Variants in PPP1R12A observed in about 807,000 individuals in gnomAD.
PPP1R12A encodes the protein myosin binding subunit.
PPP1R12A carries 19 observed loss-of-function variants against 139.6 expected under a neutral mutation model. The observed-to-expected ratio is 0.14, with a 90% CI of 0.09 to 0.20. PPP1R12A has a LOEUF of 0.20. Ranked by LOEUF, PPP1R12A falls within the 10% of genes least tolerant of loss-of-function variation. PPP1R12A has a pLI of 1.00. For synonymous variants in PPP1R12A, 427 were observed against 420.6 expected, an observed-to-expected ratio of 1.02 and a Z score of -0.19; for missense variants, 925 against 1,211.5, an observed-to-expected ratio of 0.76 and a Z score of 3.51.
intron 1 of PPP1R12A, among the ~76,000 whole-genome samples, chr12:79,929,536 C>G (rs867400677): frequency 2.0e-5 from 3 of 152,088 alleles, no homozygotes; most frequent in African/African-American, 7.2e-5. Context: ...GAGGCCAAGA[C>G]GGGCGGATCA....
intron 2 of PPP1R12A, among the ~76,000 whole-genome samples, chr12:79,871,728 T>C (rs1592746734): frequency 6.6e-6 from 1 of 152,102 alleles, no homozygotes; most frequent in Non-Finnish European, 1.5e-5. Flanking sequence ...CTAAGTCTTC[T>C]GTTGAGCAGG....
At chr12:79,857,205 G>A (rs1196390003) in intron 2 of PPP1R12A, among the ~76,000 whole-genome samples, 1 of 151,988 alleles carries the variant, frequency 6.6e-6, no homozygotes, top group African/African-American at 2.4e-5. Context: ...ATGATAGACT[G>A]GATTAAGAAA....
intron 1 of PPP1R12A, among the ~76,000 whole-genome samples, chr12:79,926,296 G>A (rs1004441183): frequency 2.0e-5 from 3 of 151,998 alleles, no homozygotes; most frequent in Non-Finnish European, 2.9e-5. Flanking sequence ...GGCGATTCTC[G>A]TGCCTCAGCC....
chr12:79,915,802 TG>T (rs1281824874), intron 1 of PPP1R12A, among the ~76,000 whole-genome samples: 1 of 152,058 alleles, frequency 6.6e-6, no homozygotes, highest in African/African-American at 2.4e-5. Flanking sequence ...TGACACTGAG[TG>T]ATCAATCAGC....
chr12:79,821,067 AT>A lies in PPP1R12A; in HGVS notation c.956+10del. On this transcript the variant is annotated intron_variant, in intron 7 of 24. Transcript: ENST00000450142. ...ACAAAAATAACAAATGTACTTGAAT[AT>A]TTTACTCACTTTTTAAAGGTCTTCT... is the stretch of plus-strand genomic sequence containing the variant. The A allele has an allele frequency of 6.2e-7, 1 of 1,603,582 alleles. No homozygotes were observed. Among genetic ancestry groups the A allele is most frequent in the Non-Finnish European group, 8.5e-7 (1 of 1,171,380 alleles).
chr12:79,808,737 A>G (rs181119339), intron 10 of PPP1R12A, among the ~76,000 whole-genome samples, 160 bp from the exon 11 acceptor site: 179 of 152,296 alleles, frequency 1.2e-3, no homozygotes, highest in African/African-American at 4.2e-3. Flanking sequence ...ATTAATGTCA[A>G]TCAATAATCA....
chr12:79,870,991 CA>C (rs1882509688), intron 2 of PPP1R12A, among the ~76,000 whole-genome samples: 1 of 152,100 alleles, frequency 6.6e-6, no homozygotes, highest in African/African-American at 2.4e-5. Context: ...ACTTGCAATC[CA>C]TTTTTTTTTT....
chr12:79,885,807 C>T (rs1324050419), intron 1 of PPP1R12A, among the ~76,000 whole-genome samples: 1 of 152,174 alleles, frequency 6.6e-6, no homozygotes, highest in Non-Finnish European at 1.5e-5. Context: ...GTTTGAATTA[C>T]TTTGAATACA....
At chr12:79,806,946 T>C (rs1460328787) in intron 12 of PPP1R12A, 1 of 234,090 alleles carries the variant, frequency 4.3e-6, no homozygotes, top group Non-Finnish European at 8.2e-6. Flanking sequence ...TTTAAGTTGT[T>C]CTAGTCAAGG....
intron 9 of PPP1R12A, among the ~76,000 whole-genome samples, chr12:79,811,888 A>C (rs992050675): frequency 2.6e-5 from 4 of 152,170 alleles, no homozygotes; most frequent in African/African-American, 9.7e-5. Context: ...CTGGAAACAA[A>C]CGTTTTTTCC....
At chr12:79,834,636 A>C (rs543554693) in intron 3 of PPP1R12A, among the ~76,000 whole-genome samples, 1 of 152,282 alleles carries the variant, frequency 6.6e-6, no homozygotes, top group East Asian at 1.9e-4. Context: ...TTAAAGCTTC[A>C]ATTTCGGAAA....
At chr12:79,933,397 T>A (rs569687263) in intron 1 of PPP1R12A, among the ~76,000 whole-genome samples, 48 of 152,298 alleles carry the variant, frequency 3.2e-4, no homozygotes, top group African/African-American at 8.7e-4. Context: ...ACCTTTTTTT[T>A]AAAAGGCATC....
chr12:79,800,867 G>A (rs1592634073), intron 14 of PPP1R12A, among the ~76,000 whole-genome samples: 1 of 151,364 alleles, frequency 6.6e-6, no homozygotes, highest in South Asian at 2.1e-4. Context: ...CCGAGTAGTT[G>A]AGACTACAGG....
intron 1 of PPP1R12A, among the ~76,000 whole-genome samples, chr12:79,906,751 C>A (rs1886158433): frequency 6.6e-6 from 1 of 152,158 alleles, no homozygotes; most frequent in African/African-American, 2.4e-5. Flanking sequence ...TCAGGCAATT[C>A]TCCTGCTACA....
intron 8 of PPP1R12A, 48 bp from the exon 9 acceptor site, chr12:79,817,566 C>T (rs1195230485): frequency 6.7e-7 from 1 of 1,498,706 alleles, no homozygotes; most frequent in Non-Finnish European, 9.0e-7. Context: ...TATATTTGGT[C>T]TCAATGGCTG....
Position 79,788,761 on chromosome 12 carries a change from C to T in PPP1R12A, c.2689G>A (p.Ala897Thr), listed in dbSNP as rs756059663. The stretch of plus-strand genomic sequence containing the variant: ...AGCAAGGAATCATATCGATCACCAG[C>T]TGATGTAGAACTGGTTTCATATCTT... ...ISRYETSSTS[A>T]GDRYDSLLGR... The change falls in exon 21 of 25, where the codon GCT (alanine) becomes ACT (threonine). Residue 897 changes from alanine (A) to threonine (T), a missense_variant. By Grantham distance (58) the Ala-to-Thr change is moderately conservative (BLOSUM62 0). This residue lies in a region of PPP1R12A where 315 missense variants were observed against 363.4 expected (regional missense o/e 0.87). Coordinates refer to ENST00000450142, the MANE Select transcript of PPP1R12A (RefSeq NM_002480.3). 13 of 1,610,124 alleles carry T rather than the reference C, an allele frequency of 8.1e-6. No individual in the cohort carries two copies. The South Asian group carries it at 1.3e-4, about 16-fold the overall frequency.
intron 2 of PPP1R12A, among the ~76,000 whole-genome samples, chr12:79,849,788 C>T (rs1263314408): frequency 6.6e-6 from 1 of 152,136 alleles, no homozygotes; most frequent in Non-Finnish European, 1.5e-5. Flanking sequence ...AGGTAGTCAA[C>T]ATAAGAGATG....
At chr12:79,795,912 G>T (rs1321663103) in intron 17 of PPP1R12A, among the ~76,000 whole-genome samples, 153 bp from the exon 18 acceptor site, 1 of 152,042 alleles carries the variant, frequency 6.6e-6, no homozygotes, top group Non-Finnish European at 1.5e-5. Flanking sequence ...CCAATTGTTG[G>T]TATGTGAGAA....
At chr12:79,808,655 G>C (rs1238124686) in intron 10 of PPP1R12A, 78 bp from the exon 11 acceptor site, 6 of 743,802 alleles carry the variant, frequency 8.1e-6, no homozygotes, top group African/African-American at 1.8e-5. Context: ...TTAAGAAAAG[G>C]TTATTCAATA....
Sources: allele counts gnomAD v4.1 joint callset (sites outside exome capture counted in the v4.1 genomes callset), GRCh38; gene constraint gnomAD v4.1.1; regional missense constraint gnomAD v4.1.1; transcripts MANE v1.5; gene names NCBI Gene and HGNC (gene_info 2026-07-23, HGNC 2026-07-21).